Variants in ANKRD30B observed in about 807,000 individuals in gnomAD.
The protein encoded by ANKRD30B is ankyrin repeat domain 30B.
ANKRD30B carries 144 observed loss-of-function variants against 202.2 expected under a neutral mutation model. That is an observed-to-expected ratio of 0.71 (90% confidence interval 0.62 to 0.82). ANKRD30B has a LOEUF of 0.82. ANKRD30B is among the 40% of genes least tolerant of loss of function. The pLI, the probability that ANKRD30B is intolerant of heterozygous loss-of-function variation, is 0.00. For missense variants in ANKRD30B, 1,487 were observed against 1,669.1 expected (o/e 0.89, Z 1.90); for synonymous variants, 508 against 561.3 (o/e 0.91, Z 1.34).
chr18:14,763,947 T>G lies in ANKRD30B; in HGVS notation c.1082T>G (p.Ile361Ser), dbSNP rs1477398415. 2.5e-6 allele frequency: 4 copies of G among 1,609,748 alleles called. No homozygotes were observed. The highest frequency in any genetic ancestry group is 1.7e-5 in the Admixed American group (1 of 59,492). ...SWPAKERSRK[I>S]TWEEKETSVK... is the part of the protein sequence containing the mutation. ...CCAGCAAAAGAAAGATCTAGGAAGATCACATGGGAGGAAAAAGAAACATCT... is the reference window on the plus strand; with the variant it reads ...CCAGCAAAAGAAAGATCTAGGAAGAGCACATGGGAGGAAAAAGAAACATCT... The change falls in exon 7 of 44, where the codon ATC (isoleucine) becomes AGC (serine). Residue 361 changes from isoleucine (I) to serine (S), a missense_variant. Physicochemically the swap from Ile to Ser is moderately radical, Grantham distance 142. Around this residue, in one of 6 missense-constraint regions of ANKRD30B, gnomAD observed 889 missense variants for 841.4 expected, o/e 1.06. Transcript: ENST00000690538.
chr18:14,920,060 G>C, the ANKRD30B span, among the ~76,000 whole-genome samples: 1 of 152,234 alleles, frequency 6.6e-6, no homozygotes, highest in Non-Finnish European at 1.5e-5. Context: ...GAGGCCCAAG[G>C]AAAGAGAGGG....
At chr18:14,883,369 G>GTCTGTCTCTCTC in the ANKRD30B span, among the ~76,000 whole-genome samples, 29 of 84,550 alleles carry the variant, frequency 3.4e-4, no homozygotes, top group African/African-American at 1.6e-3. Context: ...CTGTCTGTCT[G>GTCTGTCTCTCTC]TCTCTCTCTC....
chr18:14,881,850 C>G, the ANKRD30B span, among the ~76,000 whole-genome samples: 1 of 151,930 alleles, frequency 6.6e-6, no homozygotes, highest in Non-Finnish European at 1.5e-5. Flanking sequence ...ATTTTTCCAG[C>G]AGTTTATCCA....
intron 8 of ANKRD30B, 28 bp from the exon 9 acceptor site, chr18:14,772,128 A>C (rs997074684): frequency 2.2e-6 from 3 of 1,389,880 alleles, no homozygotes; most frequent in Non-Finnish European, 2.9e-6. Context: ...GAATTTGCTC[A>C]TTTATGTTGT....
chr18:14,840,648 GAAAT>G lies in ANKRD30B; in HGVS notation c.3053_3056del (p.Ile1018ArgfsTer7), dbSNP rs1482363371. 13 of 1,536,326 alleles carry G rather than the reference GAAAT, an allele frequency of 8.5e-6. No individual in the cohort carries two copies. Among genetic ancestry groups the G allele is most frequent in the Non-Finnish European group, 1.1e-5 (13 of 1,138,110 alleles). On this transcript the variant is annotated frameshift_variant, in exon 37 of 44. Transcript: ENST00000690538. LOFTEE classifies it high-confidence loss of function. ...TTTACCTGAGGCTACATATCAAAAA[GAAAT>G]AAAGACAACAAATGGCAAAATAGAA...
At chr18:14,855,989 T>G (rs1160646435), downstream of ANKRD30B, among the ~76,000 whole-genome samples, 25 of 127,916 alleles carry the variant, frequency 2.0e-4, no homozygotes, top group African/African-American at 7.7e-4. Flanking sequence ...GCAAAGGCGC[T>G]CCTCACCTCC....
chr18:14,826,727 A>ACACACACACACACACAC (rs1472785630), intron 32 of ANKRD30B, among the ~76,000 whole-genome samples: 1 of 148,624 alleles, frequency 6.7e-6, no homozygotes, highest in African/African-American at 2.5e-5. Context: ...ACACACACAC[A>ACACACACACACACACAC]AGTACAGTAA....
intron 9 of ANKRD30B, among the ~76,000 whole-genome samples, chr18:14,774,333 C>T (rs1048267246): frequency 3.3e-5 from 5 of 152,174 alleles, no homozygotes; most frequent in East Asian, 1.9e-4. Flanking sequence ...TGACTGGTCA[C>T]GTCTCTTGTT....
In ANKRD30B at chr18:14,818,069, A is replaced by G. The variant is rs528750124; in HGVS notation, c.2641+3358A>G. 4.1e-4 allele frequency among the ~76,000 whole-genome samples: 63 copies of G among 152,288 alleles called. 1 individual carries two copies. Among genetic ancestry groups the G allele is most frequent in the African/African-American group, 1.1e-3 (47 of 41,570 alleles). On this transcript the variant is annotated intron_variant, in intron 30 of 43. Coordinates refer to ENST00000690538, the MANE Select transcript of ANKRD30B (RefSeq NM_001367607.2). Reference sequence around the variant, plus strand: ...TTGTACTGAGAAATAAAAAGTAGAGAAAAATGAGAGATTAAGCATGTTTTA... The same window carrying G: ...TTGTACTGAGAAATAAAAAGTAGAGGAAAATGAGAGATTAAGCATGTTTTA...
the ANKRD30B span, among the ~76,000 whole-genome samples, chr18:14,870,792 C>G: frequency 6.6e-6 from 1 of 152,140 alleles, no homozygotes; most frequent in Non-Finnish European, 1.5e-5. Context: ...TCTGCTAAGG[C>G]AGAGGTTTCC....
At chr18:14,907,228 G>C in the ANKRD30B span, among the ~76,000 whole-genome samples, 1 of 151,948 alleles carries the variant, frequency 6.6e-6, no homozygotes, top group African/African-American at 2.4e-5. Flanking sequence ...AATTTTAAGA[G>C]TGCCCTGGCC....
At chr18:14,843,259 C>T (rs540749105) in intron 39 of ANKRD30B, among the ~76,000 whole-genome samples, 163 bp downstream of exon 39, 33 of 152,174 alleles carry the variant, frequency 2.2e-4, no homozygotes, top group Admixed American at 1.3e-3. Context: ...TACAAGAACA[C>T]GAATTTTAAT....
At position 14,757,898 on chromosome 18, in the gene ANKRD30B, A is replaced by G. The variant is rs765305236; in HGVS notation, c.701A>G (p.Glu234Gly). ...CAGCAAAATGTTGACGTCTTTGCTG[A>G]AGACATACATGGAATAACTGCAGAA... Reference protein sequence around the residue: ...LLQQNVDVFAEDIHGITAERY... With the variant: ...LLQQNVDVFAGDIHGITAERY... The change falls in exon 5 of 44, where the codon GAA becomes GGA. Residue 234 changes from glutamate (E) to glycine (G), a missense_variant. By Grantham distance (98) the Glu-to-Gly change is moderately conservative. Transcript: ENST00000690538. The G allele has an allele frequency of 6.2e-7, 1 of 1,612,244 alleles. No homozygotes were observed. The highest frequency in any genetic ancestry group is 8.5e-7 in the Non-Finnish European group (1 of 1,179,026).
the ANKRD30B span, among the ~76,000 whole-genome samples, chr18:14,886,565 C>G: frequency 6.6e-6 from 1 of 151,994 alleles, no homozygotes; most frequent in Non-Finnish European, 1.5e-5. Flanking sequence ...AGACAAAGAG[C>G]ATTTGGTCCT....
the ANKRD30B span, among the ~76,000 whole-genome samples, chr18:14,895,582 T>G: frequency 3.8e-4 from 58 of 152,318 alleles, no homozygotes; most frequent in African/African-American, 1.3e-3. Flanking sequence ...TGACTATTTA[T>G]AGAAGCTTTA....
chr18:14,896,965 CAAAAAAA>C, the ANKRD30B span, among the ~76,000 whole-genome samples: 1 of 108,046 alleles, frequency 9.3e-6, no homozygotes, highest in Non-Finnish European at 1.9e-5. Flanking sequence ...ATGCCAATTG[CAAAAAAA>C]AAAAAAAAAC....
chr18:14,833,948 C>T (rs1303770708), intron 34 of ANKRD30B, among the ~76,000 whole-genome samples: 2 of 152,128 alleles, frequency 1.3e-5, no homozygotes, highest in African/African-American at 4.8e-5. Flanking sequence ...TCTCAATTGT[C>T]AGCATATTTA....
intron 4 of ANKRD30B, 21 bp from the exon 5 acceptor site, chr18:14,757,794 G>T: frequency 6.2e-7 from 1 of 1,608,188 alleles, no homozygotes; most frequent in Non-Finnish European, 8.5e-7. Flanking sequence ...CTCATAATAA[G>T]TTATCTCTTT....
intron 5 of ANKRD30B, among the ~76,000 whole-genome samples, chr18:14,759,812 G>T (rs1914968282): frequency 6.6e-6 from 1 of 152,166 alleles, no homozygotes; most frequent in African/African-American, 2.4e-5. Flanking sequence ...AAGCCACAAA[G>T]AATAGAGCAT....
Sources: allele counts gnomAD v4.1 joint callset (sites outside exome capture counted in the v4.1 genomes callset), GRCh38; gene constraint gnomAD v4.1.1; regional missense constraint gnomAD v4.1.1; transcripts MANE v1.5; gene names NCBI Gene and HGNC (gene_info 2026-07-23, HGNC 2026-07-21).